Variants in NTNG2 observed in about 807,000 individuals in gnomAD.
NTNG2 encodes the protein netrin-G2.
NTNG2 carries 15 observed loss-of-function variants against 47.6 expected under a neutral mutation model. The ratio of observed to expected loss-of-function variants is 0.32; its 90% confidence interval spans 0.21 to 0.49. The LOEUF (loss-of-function observed/expected upper bound fraction) is 0.49, where lower values mean the gene tolerates loss of function less well. Ranked by LOEUF, NTNG2 falls within the 20% of genes least tolerant of loss-of-function variation. The pLI, the probability that NTNG2 is intolerant of heterozygous loss-of-function variation, is 0.99. For synonymous variants in NTNG2, 307 were observed against 324.6 expected (o/e 0.95, Z 0.58); for missense variants, 578 against 764.6 (o/e 0.76, Z 2.88).
Position 132,218,071 on chromosome 9 carries a change from C to T in NTNG2, c.858-8778C>T, listed in dbSNP as rs996033722. 1.6e-4 allele frequency among the ~76,000 whole-genome samples: 24 copies of T among 152,176 alleles called. No homozygotes were observed. Among genetic ancestry groups the T allele is most frequent in the African/African-American group, 5.5e-4 (23 of 41,450 alleles). ...TTTCCCGCTCTTCAGGTGAGAAAAG[C>T]GAGACTCAGGTTGGCTAAGAATTTG... On this transcript the variant is annotated intron_variant, in intron 3 of 7. Transcript: ENST00000393229. The surrounding 1 kb of genome is among the most constrained non-coding windows in gnomAD (Gnocchi z 5.4).
intron 3 of NTNG2, among the ~76,000 whole-genome samples, chr9:132,201,469 C>G (rs557085183): frequency 6.6e-6 from 1 of 152,364 alleles, no homozygotes; most frequent in East Asian, 1.9e-4. Context: ...CCCCTTTTCC[C>G]TCTTCAGTTC....
chr9:132,222,045 T>G (rs1420980344), intron 3 of NTNG2, among the ~76,000 whole-genome samples: 1 of 152,196 alleles, frequency 6.6e-6, no homozygotes, highest in African/African-American at 2.4e-5. Flanking sequence ...AGATAGGAAT[T>G]CAGAAGTTGC....
intron 6 of NTNG2, 77 bp from the exon 7 acceptor site, chr9:132,240,833 G>T: frequency 6.3e-7 from 1 of 1,599,338 alleles, no homozygotes. Context: ...CTCCCTGCGA[G>T]GCCGGGAGAG....
At chr9:132,195,832 G>C (rs1174018486) in intron 2 of NTNG2, among the ~76,000 whole-genome samples, 2 of 151,900 alleles carry the variant, frequency 1.3e-5, no homozygotes, top group African/African-American at 4.8e-5. Context: ...GGGTCTTGCT[G>C]TGTTGCCTAG....
rs760830162 is a variant in NTNG2, at chr9:132,197,924, G to A, written c.214-42G>A. ...GCAGAGGCTTCCCAGGCCATCCCGA[G>A]CATCCAGCACCCACCCTTCCCTTCT... On this transcript the variant is annotated intron_variant, in intron 2 of 7. Transcript: ENST00000393229. The surrounding 1 kb of genome is among the most constrained non-coding windows in gnomAD (Gnocchi z 4.3). 6.4e-7 allele frequency: 1 copy of A among 1,562,292 alleles called. No individual in the cohort carries two copies. The highest frequency in any genetic ancestry group is 1.8e-5 in the Admixed American group (1 of 55,548).
intron 2 of NTNG2, among the ~76,000 whole-genome samples, chr9:132,185,302 C>G (rs943502236): frequency 6.6e-6 from 1 of 152,154 alleles, no homozygotes; most frequent in African/African-American, 2.4e-5. Flanking sequence ...GGGCAGCTCT[C>G]AGAGAAGAGG....
chr9:132,227,668 C>T (rs1428626647), intron 4 of NTNG2, among the ~76,000 whole-genome samples: 1 of 152,202 alleles, frequency 6.6e-6, no homozygotes, highest in East Asian at 1.9e-4. Context: ...AGAGTCCCCC[C>T]GCACGTGCTC....
Position 132,173,499 on chromosome 9 carries a change from G to A in NTNG2, c.213+6455G>A, listed in dbSNP as rs1024055943. Among the ~76,000 whole-genome samples, 4 of 152,272 alleles carry A rather than the reference G, an allele frequency of 2.6e-5. 1 individual carries two copies. The highest frequency in any genetic ancestry group is 1.9e-4 in the East Asian group (1 of 5,176). ...GACTTAGAGACCCCCAGACCTTTCC[G>A]GTCTGCGCATCCCCACCTTCCCAGG... On this transcript the variant is annotated intron_variant, in intron 2 of 7. Coordinates refer to ENST00000393229, the MANE Select transcript of NTNG2 (RefSeq NM_032536.4).
At chr9:132,235,171 G>A (rs1406416132) in intron 5 of NTNG2, among the ~76,000 whole-genome samples, 4 of 152,190 alleles carry the variant, frequency 2.6e-5, no homozygotes, top group Non-Finnish European at 5.9e-5. Flanking sequence ...GGAAGGCTCC[G>A]GTCCCTGGAT....
chr9:132,187,155 C>T (rs956931387), intron 2 of NTNG2, among the ~76,000 whole-genome samples: 17 of 152,242 alleles, frequency 1.1e-4, no homozygotes, highest in Admixed American at 3.3e-4. Flanking sequence ...CCCACTGTGG[C>T]CCCCCTGGGG....
intron 2 of NTNG2, among the ~76,000 whole-genome samples, chr9:132,181,805 C>T (rs1347134537): frequency 3.9e-5 from 6 of 152,234 alleles, no homozygotes; most frequent in Admixed American, 1.3e-4. Flanking sequence ...GAATTTAAGC[C>T]ACTTGCCGAA....
At chr9:132,211,809 C>T (rs557772345) in intron 3 of NTNG2, among the ~76,000 whole-genome samples, 6 of 152,304 alleles carry the variant, frequency 3.9e-5, no homozygotes, top group African/African-American at 1.2e-4. Context: ...GTCTGACACC[C>T]GCCCCCATAG....
chr9:132,230,629 C>T, intron 5 of NTNG2, 34 bp downstream of exon 5: 1 of 1,598,794 alleles, frequency 6.3e-7, no homozygotes, highest in Non-Finnish European at 8.5e-7. Flanking sequence ...GGCCAGGGCC[C>T]CCACTGCACG....
intron 2 of NTNG2, among the ~76,000 whole-genome samples, chr9:132,177,260 C>T (rs1836536458): frequency 6.6e-6 from 1 of 152,142 alleles, no homozygotes; most frequent in Admixed American, 6.5e-5. Flanking sequence ...GTGCTGGGAC[C>T]ACAGGCGTGA....
In NTNG2 at chr9:132,208,505, G is replaced by A. The variant is rs1286641199; in HGVS notation, c.857+9896G>A. ...AGACTGGGCGGGCCCTACCAAGACTGACAGCAGCCTGGCCGGGTTCTGGCA... is the reference window on the plus strand; with the variant it reads ...AGACTGGGCGGGCCCTACCAAGACTAACAGCAGCCTGGCCGGGTTCTGGCA... On this transcript the variant is annotated intron_variant, in intron 3 of 7. Transcript: ENST00000393229. The surrounding 1 kb of genome is among the most constrained non-coding windows in gnomAD (Gnocchi z 4.0). Among the ~76,000 whole-genome samples, 1 of 152,114 alleles carries A rather than the reference G, an allele frequency of 6.6e-6. No individual in the cohort carries two copies. Among genetic ancestry groups the A allele is most frequent in the Non-Finnish European group, 1.5e-5 (1 of 68,034 alleles).
intron 3 of NTNG2, among the ~76,000 whole-genome samples, chr9:132,207,809 G>A (rs926262519): frequency 6.6e-6 from 1 of 152,180 alleles, no homozygotes; most frequent in Non-Finnish European, 1.5e-5. Flanking sequence ...CGGTGAGAAA[G>A]AAACCAGGGC....
chr9:132,209,893 C>A (rs1255565508), intron 3 of NTNG2, among the ~76,000 whole-genome samples: 2 of 114,570 alleles, frequency 1.7e-5, no homozygotes, highest in African/African-American at 7.0e-5. Flanking sequence ...AAGAATCCAC[C>A]AGGACTGAAG....
intron 3 of NTNG2, among the ~76,000 whole-genome samples, chr9:132,216,414 C>CTCTGTG (rs1554790515): frequency 1.1e-4 from 12 of 110,334 alleles, no homozygotes; most frequent in East Asian, 5.1e-4. Context: ...CTCTCTCTCT[C>CTCTGTG]TGTGTGTGTG....
At chr9:132,209,311 T>C (rs1839407964) in intron 3 of NTNG2, among the ~76,000 whole-genome samples, 1 of 152,166 alleles carries the variant, frequency 6.6e-6, no homozygotes, top group African/African-American at 2.4e-5. Flanking sequence ...ATTTTGGACC[T>C]GTTGGTTGTG....
Sources: gnomAD v4.1 joint callset for allele counts (sites outside exome capture counted in the v4.1 genomes callset) on GRCh38, gnomAD v4.1.1 for gene constraint, Gnocchi (gnomAD v3.1) non-coding constraint, MANE v1.5 for transcripts, NCBI Gene and HGNC (gene_info 2026-07-23, HGNC 2026-07-21) for gene names.